The following C16orf95 variants were observed in gnomAD, a reference collection of about 807,000 sequenced individuals.
C16orf95 encodes chromosome 16 open reading frame 95.
In C16orf95, 41 loss-of-function variants were observed where a neutral mutation model predicts 32.1. The ratio of observed to expected loss-of-function variants is 1.28; its 90% confidence interval spans 1.00 to 1.66. The LOEUF (loss-of-function observed/expected upper bound fraction) is 1.66, where lower values mean the gene tolerates loss of function less well. Ranked by LOEUF, C16orf95 falls within the 40% of genes most tolerant of loss-of-function variation. C16orf95 has a pLI of 0.00. For missense variants in C16orf95, 399 were observed against 325.9 expected (o/e 1.22, Z -1.73); for synonymous variants, 147 against 128.9 (o/e 1.14, Z -0.95).
At position 87,302,889 on chromosome 16, in the gene C16orf95, C is replaced by A; in HGVS notation, c.*168G>T. 1 of 699,338 alleles carries A rather than the reference C, an allele frequency of 1.4e-6. No homozygotes were observed. The highest frequency in any genetic ancestry group is 1.7e-5 in the South Asian group (1 of 58,782). The allele number at this position is 699,338 out of a possible 1,614,324, so 43.3% of individuals were successfully genotyped here. A position where few individuals can be genotyped will look rare whatever the true frequency, so the allele number is the denominator to read the frequency against. ...ACCCACATTCACATGAACTTTGCTA[C>A]AACCAAGAATCACCTGATGAGAAAT... On this transcript the variant is annotated 3_prime_UTR_variant, in exon 7 of 7. Transcript: ENST00000567970.
rs1453488713 is a variant in C16orf95, at chr16:87,305,379, T to C, written c.701+340A>G. ...GCTGGAGGGTGAGTGGCTGTTAAGA[T>C]GCACCGTCAACCCCAACATAACAAT... On this transcript the variant is annotated intron_variant, in intron 6 of 6. Coordinates refer to ENST00000567970, the MANE Select transcript of C16orf95 (RefSeq NM_001195124.3). The surrounding 1 kb of genome is among the most constrained non-coding windows in gnomAD (Gnocchi z 4.2). Among the ~76,000 whole-genome samples the C allele has an allele frequency of 6.6e-6, 1 of 151,954 alleles. No individual in the cohort carries two copies. Among genetic ancestry groups the C allele is most frequent in the Non-Finnish European group, 1.5e-5 (1 of 67,956 alleles).
At chr16:87,310,741 G>A (rs991037013) in intron 4 of C16orf95, among the ~76,000 whole-genome samples, 1 of 152,194 alleles carries the variant, frequency 6.6e-6, no homozygotes, top group Non-Finnish European at 1.5e-5. Context: ...GCCAGGGCCA[G>A]GGGAGAGAGT....
chr16:87,312,586 A>G (rs1911333826), intron 3 of C16orf95, among the ~76,000 whole-genome samples: 1 of 146,686 alleles, frequency 6.8e-6, no homozygotes, highest in Non-Finnish European at 1.5e-5. Context: ...AAAAAAAAAA[A>G]GAAAGAAAAG....
intron 6 of C16orf95, 154 bp from the exon 7 acceptor site, chr16:87,303,229 G>A: frequency 1.4e-6 from 1 of 739,892 alleles, no homozygotes; most frequent in Non-Finnish European, 2.3e-6. Flanking sequence ...AGGGGTGCAG[G>A]GATGAGGGGT....
intron 5 of C16orf95, among the ~76,000 whole-genome samples, chr16:87,308,660 C>T (rs1911136645): frequency 6.6e-6 from 1 of 152,192 alleles, no homozygotes; most frequent in South Asian, 2.1e-4. Flanking sequence ...TCTCGATAGC[C>T]ATTGCTTTGG....
chr16:87,308,643 G>T (rs546089817), intron 5 of C16orf95, among the ~76,000 whole-genome samples: 2 of 152,284 alleles, frequency 1.3e-5, no homozygotes, highest in South Asian at 2.1e-4. Flanking sequence ...ATGGGACCAC[G>T]TTCAGCTCTC....
In C16orf95 at chr16:87,302,946, T is replaced by C. The variant is rs1280416183; in HGVS notation, c.*111A>G. The stretch of plus-strand genomic sequence containing the variant: ...GGTTGAATCCTGGGTGTGGATTCTG[T>C]TCTGAGAAGACAGCGACTGTCACAG... On this transcript the variant is annotated 3_prime_UTR_variant, in exon 7 of 7. Coordinates refer to ENST00000567970, the MANE Select transcript of C16orf95 (RefSeq NM_001195124.3). The C allele has an allele frequency of 4.4e-6, 5 of 1,145,474 alleles. No homozygotes were observed. Among genetic ancestry groups the C allele is most frequent in the Admixed American group, 2.0e-5 (1 of 50,390 alleles). The allele number at this position is 1,145,474 out of a possible 1,614,324, so 71.0% of individuals were successfully genotyped here. A position where few individuals can be genotyped will look rare whatever the true frequency, so the allele number is the denominator to read the frequency against.
chr16:87,315,830 G>A lies in C16orf95; in HGVS notation c.153-7C>T, dbSNP rs1248201666. Reference sequence around the variant, plus strand: ...GGTTTGAAATGTGCTATTCCTAGAAGAGAAGAACAGAAAAGCTTAGGGTTT... The same window carrying A: ...GGTTTGAAATGTGCTATTCCTAGAAAAGAAGAACAGAAAAGCTTAGGGTTT... On this transcript the variant is annotated splice_polypyrimidine_tract_variant and splice_region_variant and intron_variant, in intron 1 of 6. Coordinates refer to ENST00000567970, the MANE Select transcript of C16orf95 (RefSeq NM_001195124.3). 31 of 1,527,720 alleles carry A rather than the reference G, an allele frequency of 2.0e-5. No individual in the cohort carries two copies. Among genetic ancestry groups the A allele is most frequent in the Admixed American group, 2.0e-4 (10 of 49,888 alleles). The allele number at this position is 1,527,720 out of a possible 1,614,324, so 94.6% of individuals were successfully genotyped here.
At chr16:87,315,149 A>T (rs915491488) in intron 2 of C16orf95, 53 bp from the exon 3 acceptor site, 5 of 1,521,364 alleles carry the variant, frequency 3.3e-6, no homozygotes, top group Non-Finnish European at 3.5e-6. Flanking sequence ...ATTTGCAGGG[A>T]GACAGGAGGC....
chr16:87,305,714 C>T lies in C16orf95; in HGVS notation c.701+5G>A. 6.7e-7 allele frequency: 1 copy of T among 1,497,248 alleles called. No individual in the cohort carries two copies. The highest frequency in any genetic ancestry group is 8.9e-7 in the Non-Finnish European group (1 of 1,128,968). 92.7% of individuals were successfully genotyped at this position (1,497,248 alleles called of 1,614,324 possible). ...CCCACTGTCCCCCATCCCCCACCTG[C>T]TCACCGAATGGCCATGATGACCCTC... On this transcript the variant is annotated splice_donor_5th_base_variant and intron_variant, in intron 6 of 6. Transcript: ENST00000567970. The surrounding 1 kb of genome is among the most constrained non-coding windows in gnomAD (Gnocchi z 4.2).
At chr16:87,304,301 A>ACCCAG (rs113672981) in intron 6 of C16orf95, among the ~76,000 whole-genome samples, 2 of 32,828 alleles carry the variant, frequency 6.1e-5, no homozygotes, top group African/African-American at 2.6e-4. Flanking sequence ...AGGCCACCAC[A>ACCCAG]CCTTGCCCAT....
Position 87,305,448 on chromosome 16 carries a change from G to T in C16orf95, c.701+271C>A, listed in dbSNP as rs1326911684. ...GGACCCGTGTCCTTCTGGGAGCAGG[G>T]CCATTTTAGAACTTGGGAAGAGGGA... On this transcript the variant is annotated intron_variant, in intron 6 of 6. Transcript: ENST00000567970. This position sits in a 1 kb window ranked among gnomAD's most constrained non-coding sequence, Gnocchi z 4.2. Among the ~76,000 whole-genome samples, 1 of 152,176 alleles carries T rather than the reference G, an allele frequency of 6.6e-6. No individual in the cohort carries two copies. Among genetic ancestry groups the T allele is most frequent in the Non-Finnish European group, 1.5e-5 (1 of 68,032 alleles).
intron 5 of C16orf95, among the ~76,000 whole-genome samples, chr16:87,308,790 T>C (rs1353088038): frequency 6.6e-6 from 1 of 152,250 alleles, no homozygotes; most frequent in African/African-American, 2.4e-5. Context: ...GAAAGCTCTA[T>C]TCTTGTCTGC....
chr16:87,316,965 G>GT, intron 1 of C16orf95, 126 bp downstream of exon 1: 2 of 1,369,952 alleles, frequency 1.5e-6, no homozygotes, highest in East Asian at 2.8e-5. Flanking sequence ...TTAAGCCAAT[G>GT]TAAGTGAGGT....
intron 1 of C16orf95, 103 bp downstream of exon 1, chr16:87,316,988 C>T (rs1904366935): frequency 1.4e-6 from 2 of 1,388,410 alleles, no homozygotes; most frequent in African/African-American, 1.5e-5. Flanking sequence ...CTGTGGGTGG[C>T]GGTCAAGAGT....
chr16:87,304,719 C>T (rs1265835519), intron 6 of C16orf95, among the ~76,000 whole-genome samples: 6 of 152,122 alleles, frequency 3.9e-5, no homozygotes, highest in Admixed American at 6.5e-5. Context: ...TGGGAGGCAA[C>T]GTCCAACTCT....
intron 6 of C16orf95, among the ~76,000 whole-genome samples, chr16:87,304,088 G>A (rs1910889461): frequency 6.6e-6 from 1 of 152,070 alleles, no homozygotes. Flanking sequence ...GGCACAATCA[G>A]CTCACTGCAA....
chr16:87,314,985 T>C lies in C16orf95; in HGVS notation c.316A>G (p.Arg106Gly), dbSNP rs1015285853. Residue 106 changes from arginine to glycine, a missense_variant, in exon 3 of 7, where the codon AGA (arginine) becomes GGA (glycine). Transcript: ENST00000567970. Reference sequence around the variant, plus strand: ...AAGTCACCTACCTGCTTTCGGGGTCTCAGGGACAGAGGGACCCAGTAAGGC... The same window carrying C: ...AAGTCACCTACCTGCTTTCGGGGTCCCAGGGACAGAGGGACCCAGTAAGGC... ...ALPYWVPLSL[R>G]PRKQSQKTVQ... 7.8e-6 allele frequency: 12 copies of C among 1,536,130 alleles called. No homozygotes were observed. Among genetic ancestry groups the C allele is most frequent in the Non-Finnish European group, 9.6e-6 (11 of 1,146,902 alleles).
At chr16:87,306,232 G>A (rs1377504460) in intron 5 of C16orf95, 2 of 200,220 alleles carry the variant, frequency 1.0e-5, no homozygotes, top group Non-Finnish European at 2.0e-5. Context: ...AAGATCAGAG[G>A]AACCACACTG....
Sources: allele counts gnomAD v4.1 joint callset (sites outside exome capture counted in the v4.1 genomes callset), GRCh38; gene constraint gnomAD v4.1.1; non-coding constraint Gnocchi (gnomAD v3.1); transcripts MANE v1.5; gene names NCBI Gene and HGNC (gene_info 2026-07-23, HGNC 2026-07-21).